KIAA0825: variants seen among roughly 807,000 people sequenced by gnomAD.
The protein encoded by KIAA0825 is KIAA0825, also known as uncharacterized protein KIAA0825.
Under a neutral mutation model 147.6 loss-of-function variants are expected in KIAA0825, and 119 were observed. The observed-to-expected ratio is 0.81, with a 90% CI of 0.69 to 0.94. The LOEUF (loss-of-function observed/expected upper bound fraction) is 0.94, where lower values mean the gene tolerates loss of function less well. Among genes scored for constraint, KIAA0825 ranks in the 40% least tolerant of loss-of-function variants. The pLI is 0.00. For missense variants in KIAA0825, 1,381 were observed against 1,472.7 expected (o/e 0.94, Z 1.02); for synonymous variants, 470 against 518.1 (o/e 0.91, Z 1.26).
At chr5:94,485,234 T>G (rs896395029) in intron 5 of KIAA0825, among the ~76,000 whole-genome samples, 1 of 151,696 alleles carries the variant, frequency 6.6e-6, no homozygotes, top group African/African-American at 2.4e-5. Flanking sequence ...CTTTTTTTTT[T>G]CGGTCTGGCA....
chr5:94,577,859 C>T (rs187689769), intron 2 of KIAA0825, among the ~76,000 whole-genome samples: 2 of 152,246 alleles, frequency 1.3e-5, no homozygotes, highest in African/African-American at 4.8e-5. Flanking sequence ...CTCACATACT[C>T]ATTATTTTTA....
At chr5:94,278,994 T>A (rs1039959045) in intron 20 of KIAA0825, among the ~76,000 whole-genome samples, 16 of 152,170 alleles carry the variant, frequency 1.1e-4, no homozygotes, top group African/African-American at 3.6e-4. Context: ...TTTATTTTTA[T>A]CAAAATACAA....
intron 3 of KIAA0825, 25 bp from the exon 4 acceptor site, chr5:94,524,123 AT>A: frequency 6.5e-7 from 1 of 1,536,588 alleles, no homozygotes; most frequent in Non-Finnish European, 8.9e-7. Flanking sequence ...AGAAAAAGTT[AT>A]TTTGGCAGGA....
chr5:94,353,756 G>A (rs1314767032), intron 20 of KIAA0825, among the ~76,000 whole-genome samples: 1 of 152,084 alleles, frequency 6.6e-6, no homozygotes, highest in East Asian at 1.9e-4. Context: ...GAGAATAGTT[G>A]CTAAAAGTTA....
intron 1 of KIAA0825, among the ~76,000 whole-genome samples, chr5:94,597,534 G>T (rs1043245989): frequency 5.9e-5 from 9 of 152,104 alleles, no homozygotes; most frequent in Non-Finnish European, 1.0e-4. Context: ...GTAATTAATA[G>T]CTCTTTCAGG....
chr5:94,575,675 A>G (rs758386086), intron 2 of KIAA0825, among the ~76,000 whole-genome samples: 3 of 152,248 alleles, frequency 2.0e-5, no homozygotes, highest in Non-Finnish European at 4.4e-5. Flanking sequence ...GACAGTAGTG[A>G]CTAAAATAAA....
chr5:94,184,675 G>T (rs1333264834), intron 20 of KIAA0825, among the ~76,000 whole-genome samples: 1 of 151,914 alleles, frequency 6.6e-6, no homozygotes, highest in African/African-American at 2.4e-5. Context: ...TTTTAAAGAA[G>T]ATTAAACTTA....
intron 1 of KIAA0825, among the ~76,000 whole-genome samples, chr5:94,615,301 T>C (rs1463649093): frequency 3.3e-5 from 5 of 152,104 alleles, no homozygotes; most frequent in Non-Finnish European, 5.9e-5. Context: ...GATAATATAA[T>C]CCATCAAACT....
chr5:94,473,104 A>G (rs550911203), intron 8 of KIAA0825, among the ~76,000 whole-genome samples, 188 bp downstream of exon 8: 46 of 152,150 alleles, frequency 3.0e-4, no homozygotes, highest in Non-Finnish European at 5.6e-4. Flanking sequence ...ACAAGTTAGC[A>G]CCAGGTATAA....
chr5:94,261,223 A>G (rs766690900), intron 20 of KIAA0825, among the ~76,000 whole-genome samples: 4 of 152,100 alleles, frequency 2.6e-5, no homozygotes, highest in Non-Finnish European at 4.4e-5. Flanking sequence ...GGAAAACTTA[A>G]GCCCCACAGG....
intron 13 of KIAA0825, among the ~76,000 whole-genome samples, chr5:94,450,145 G>A (rs1758218447): frequency 6.6e-6 from 1 of 150,962 alleles, no homozygotes; most frequent in Admixed American, 6.6e-5. Flanking sequence ...GGAAAATATA[G>A]ACAACTATGT....
intron 20 of KIAA0825, among the ~76,000 whole-genome samples, chr5:94,355,611 G>A (rs769169940): frequency 6.6e-6 from 1 of 152,088 alleles, no homozygotes; most frequent in African/African-American, 2.4e-5. Context: ...AAAAGATTAT[G>A]CCTTACAATT....
intron 20 of KIAA0825, among the ~76,000 whole-genome samples, chr5:94,176,690 A>G (rs1769135077): frequency 6.6e-6 from 1 of 152,172 alleles, no homozygotes; most frequent in African/African-American, 2.4e-5. Context: ...TAGCTAGAAC[A>G]GGAACTATAC....
chr5:94,613,272 G>A (rs1261068258), intron 1 of KIAA0825, among the ~76,000 whole-genome samples: 4 of 152,044 alleles, frequency 2.6e-5, no homozygotes, highest in African/African-American at 9.7e-5. Context: ...TCGGTTCACT[G>A]CAACATCCAC....
At chr5:94,163,132 A>C (rs929695397) in intron 20 of KIAA0825, among the ~76,000 whole-genome samples, 21 of 152,076 alleles carry the variant, frequency 1.4e-4, no homozygotes, top group African/African-American at 5.1e-4. Flanking sequence ...TATACTCACA[A>C]CCTTTTTAAA....
chr5:94,588,410 T>C (rs1783723265), intron 1 of KIAA0825, among the ~76,000 whole-genome samples: 1 of 152,144 alleles, frequency 6.6e-6, no homozygotes, highest in African/African-American at 2.4e-5. Flanking sequence ...AAGAAGACAT[T>C]TATGCAGCCA....
At position 94,396,212 on chromosome 5, in the gene KIAA0825, T is replaced by C; in HGVS notation, c.3185A>G (p.Gln1062Arg). 6.4e-7 allele frequency: 1 copy of C among 1,551,716 alleles called. No individual in the cohort carries two copies. The highest frequency in any genetic ancestry group is 8.7e-7 in the Non-Finnish European group (1 of 1,146,950). Residue 1062 changes from glutamine to arginine, a missense_variant, in exon 17 of 21, where the codon CAG (glutamine) becomes CGG (arginine). Gln to Arg is a conservative substitution (Grantham distance 43). Coordinates refer to ENST00000682413, the MANE Select transcript of KIAA0825 (RefSeq NM_001145678.3). Reference sequence around the variant, plus strand: ...GATCATTTGATTATGGATACTTGTCTGGTCTCCCATGATGCTTTTCAAACA... The same window carrying C: ...GATCATTTGATTATGGATACTTGTCCGGTCTCCCATGATGCTTTTCAAACA... Reference protein sequence around the residue: ...CMCLKSIMGDQTSIHNQMIQK... With the variant: ...CMCLKSIMGDRTSIHNQMIQK...
At chr5:94,403,093 C>G (rs1751604582) in intron 16 of KIAA0825, among the ~76,000 whole-genome samples, 1 of 152,032 alleles carries the variant, frequency 6.6e-6, no homozygotes, top group Non-Finnish European at 1.5e-5. Flanking sequence ...AATACATGTA[C>G]TTACCAAACT....
chr5:94,432,280 C>T (rs1440967236), intron 14 of KIAA0825, among the ~76,000 whole-genome samples: 1 of 152,150 alleles, frequency 6.6e-6, no homozygotes, highest in East Asian at 1.9e-4. Flanking sequence ...TCCATAATCT[C>T]AGGCCCCACC....
Sources: allele counts gnomAD v4.1 joint callset (sites outside exome capture counted in the v4.1 genomes callset), GRCh38; gene constraint gnomAD v4.1.1; transcripts MANE v1.5; gene names NCBI Gene and HGNC (gene_info 2026-07-23, HGNC 2026-07-21).